The following DSCAM variants were observed in gnomAD, a reference collection of about 807,000 sequenced individuals.
DSCAM encodes the protein cell adhesion molecule DSCAM.
A neutral mutation model predicts 217.7 loss-of-function variants in DSCAM; 47 were observed. The ratio of observed to expected loss-of-function variants is 0.22; its 90% CI spans 0.17 to 0.28. The LOEUF (loss-of-function observed/expected upper bound fraction) is 0.28, where lower values mean the gene tolerates loss of function less well. Among genes scored for constraint, DSCAM ranks in the 10% least tolerant of loss-of-function variants. The probability of loss-of-function intolerance (pLI) is 1.00; values close to 1 mark genes in which losing one functional copy is unlikely to be tolerated. For synonymous variants in DSCAM, 1,056 were observed against 1,015.3 expected (o/e 1.04, Z -0.76); for missense variants, 2,080 against 2,618.3 (o/e 0.79, Z 4.49).
At chr21:40,044,674 T>A (rs2088814872) in intron 30 of DSCAM, among the ~76,000 whole-genome samples, 1 of 152,156 alleles carries the variant, frequency 6.6e-6, no homozygotes. Flanking sequence ...TGAAACCAAT[T>A]ACTGTGCTAG....
At chr21:40,262,132 A>G (rs1041912997) in intron 11 of DSCAM, among the ~76,000 whole-genome samples, 3 of 152,158 alleles carry the variant, frequency 2.0e-5, no homozygotes, top group Non-Finnish European at 4.4e-5. Flanking sequence ...CCCACAAGCC[A>G]AGAAAAGAGA....
chr21:40,201,353 T>A (rs1480170089), intron 11 of DSCAM, among the ~76,000 whole-genome samples: 1 of 147,780 alleles, frequency 6.8e-6, no homozygotes, highest in Non-Finnish European at 1.5e-5. Context: ...CTAACTCGCA[T>A]GGAGGCAGGC....
intron 1 of DSCAM, among the ~76,000 whole-genome samples, chr21:40,821,322 C>T (rs2091925085): frequency 1.3e-5 from 2 of 151,914 alleles, no homozygotes; most frequent in Non-Finnish European, 2.9e-5. Context: ...GGATTTTGCT[C>T]TTCAGCCTCC....
intron 11 of DSCAM, among the ~76,000 whole-genome samples, chr21:40,216,951 G>C (rs575730042): frequency 6.6e-6 from 1 of 152,194 alleles, no homozygotes; most frequent in African/African-American, 2.4e-5. Context: ...AGAAAACAAA[G>C]ATGGCTGTGT....
chr21:40,183,896 G>C (rs1343250875), intron 14 of DSCAM, among the ~76,000 whole-genome samples: 1 of 152,206 alleles, frequency 6.6e-6, no homozygotes, highest in Non-Finnish European at 1.5e-5. Context: ...AACAGATGTT[G>C]AGAGTCAACA....
intron 3 of DSCAM, among the ~76,000 whole-genome samples, chr21:40,505,960 A>G (rs7282270): frequency 0.76 from 115,817 of 152,132 alleles, 44,963 homozygotes; most frequent in African/African-American, 0.93. Context: ...CATTCAAGAA[A>G]ATGTTCAAAA....
intron 2 of DSCAM, among the ~76,000 whole-genome samples, chr21:40,699,774 G>C (rs1255945715): frequency 6.6e-6 from 1 of 152,202 alleles, no homozygotes; most frequent in African/African-American, 2.4e-5. Flanking sequence ...AGCAGAGGTT[G>C]GCTACTGAGA....
intron 6 of DSCAM, among the ~76,000 whole-genome samples, chr21:40,342,074 C>G (rs780095217): frequency 2.6e-5 from 4 of 152,136 alleles, no homozygotes; most frequent in African/African-American, 7.2e-5. Context: ...TGCCTATTGG[C>G]CATCCGTGTG....
chr21:40,798,180 G>T (rs998411865), intron 1 of DSCAM, among the ~76,000 whole-genome samples: 1 of 151,988 alleles, frequency 6.6e-6, no homozygotes, highest in Non-Finnish European at 1.5e-5. Flanking sequence ...TAAGTGGTTA[G>T]TTAAGGACTA....
intron 3 of DSCAM, among the ~76,000 whole-genome samples, chr21:40,585,235 A>G (rs2091788785): frequency 6.6e-6 from 1 of 151,424 alleles, no homozygotes; most frequent in Non-Finnish European, 1.5e-5. Flanking sequence ...CAGCAATGTA[A>G]AATGGACTAA....
At chr21:40,061,830 G>A (rs2089127859) in intron 28 of DSCAM, among the ~76,000 whole-genome samples, 1 of 152,142 alleles carries the variant, frequency 6.6e-6, no homozygotes, top group South Asian at 2.1e-4. Context: ...TTGGTGATGG[G>A]AGTGGGAAGA....
chr21:40,718,993 G>A (rs776935026), intron 1 of DSCAM, among the ~76,000 whole-genome samples: 1 of 152,080 alleles, frequency 6.6e-6, no homozygotes, highest in Non-Finnish European at 1.5e-5. Flanking sequence ...GCATGCTCCT[G>A]TAGTCCCAGC....
At chr21:40,297,150 T>C (rs2073964256) in intron 9 of DSCAM, among the ~76,000 whole-genome samples, 1 of 152,174 alleles carries the variant, frequency 6.6e-6, no homozygotes, top group African/African-American at 2.4e-5. Context: ...AGTGTGCCTA[T>C]AAAAAACAAG....
intron 1 of DSCAM, among the ~76,000 whole-genome samples, chr21:40,836,798 C>G (rs772500826): frequency 4.6e-5 from 7 of 152,078 alleles, no homozygotes; most frequent in African/African-American, 1.2e-4. Flanking sequence ...AGCTGGAAGA[C>G]GACATAACAA....
chr21:40,013,203 G>T lies in DSCAM; in HGVS notation c.5870C>A (p.Thr1957Lys). The T allele has an allele frequency of 2.5e-6, 4 of 1,613,598 alleles. No homozygotes were observed. Among genetic ancestry groups the T allele is most frequent in the Non-Finnish European group, 3.4e-6 (4 of 1,179,798 alleles). Residue 1957 changes from threonine to lysine, a missense_variant, in exon 33 of 33, where the codon ACG becomes AAG. Thr to Lys is a moderately conservative substitution (Grantham distance 78). Around this residue, in one of 5 missense-constraint regions of DSCAM, gnomAD observed 145 missense variants for 138.5 expected, o/e 1.05. Transcript: ENST00000400454. ...CGGCTGCCACGACTGTCCTTCTCTC[G>T]TGGAGGAGGCGGAGGAGGCGGCTTC... ...PMEAASSASS[T>K]REGQSWQPGA...
chr21:40,144,860 G>C lies in DSCAM; in HGVS notation c.3019-129C>G. ...CGCCACGATGCTGGGGCGGTGGTCC[G>C]GTAGCAGCCGCAAACCCACGTACAG... is the stretch of plus-strand genomic sequence containing the variant. On this transcript the variant is annotated intron_variant, in intron 16 of 32. Transcript: ENST00000400454. This position sits in a 1 kb window ranked among gnomAD's most constrained non-coding sequence, Gnocchi z 4.8. 2 of 1,353,642 alleles carry C rather than the reference G, an allele frequency of 1.5e-6. No individual in the cohort carries two copies. The highest frequency in any genetic ancestry group is 2.2e-4 in the Middle Eastern group (1 of 4,496). 83.9% of individuals were successfully genotyped at this position (1,353,642 alleles called of 1,614,324 possible).
intron 3 of DSCAM, among the ~76,000 whole-genome samples, chr21:40,480,421 C>T (rs1180428299): frequency 6.6e-6 from 1 of 152,178 alleles, no homozygotes; most frequent in Non-Finnish European, 1.5e-5. Context: ...AGGTCAGAGA[C>T]TGAGACAGTC....
At chr21:40,297,917 G>C (rs896910320) in intron 9 of DSCAM, among the ~76,000 whole-genome samples, 1 of 151,974 alleles carries the variant, frequency 6.6e-6, no homozygotes, top group Admixed American at 6.6e-5. Flanking sequence ...AATGGCTCTT[G>C]GTCTCAATTT....
intron 8 of DSCAM, among the ~76,000 whole-genome samples, chr21:40,320,776 T>C (rs1298079981): frequency 6.6e-5 from 10 of 152,142 alleles, no homozygotes; most frequent in Admixed American, 6.6e-4. Context: ...GAGAACAGTA[T>C]GAGGAAACTG....
Sources: allele counts gnomAD v4.1 joint callset (sites outside exome capture counted in the v4.1 genomes callset), GRCh38; gene constraint gnomAD v4.1.1; regional missense constraint gnomAD v4.1.1; non-coding constraint Gnocchi (gnomAD v3.1); transcripts MANE v1.5; gene names NCBI Gene and HGNC (gene_info 2026-07-23, HGNC 2026-07-21).